ZNF552: variants seen among roughly 807,000 people sequenced by gnomAD.
ZNF552 encodes zinc finger protein 552.
ZNF552 carries 2 observed loss-of-function variants against 7.2 expected under a neutral mutation model. That is an observed-to-expected ratio of 0.28 (90% CI 0.11 to 0.88). The LOEUF is 0.88. Among genes scored for constraint, ZNF552 ranks in the 40% least tolerant of loss-of-function variants. The pLI, the probability that ZNF552 is intolerant of heterozygous loss-of-function variation, is 0.60. For missense variants in ZNF552, 421 were observed against 493.4 expected (o/e 0.85, Z 1.39); for synonymous variants, 173 against 176.5 (o/e 0.98, Z 0.16).
At position 57,814,662 on chromosome 19, in the gene ZNF552, C is replaced by T. The variant is rs1273613397; in HGVS notation, c.33+49G>A. ...GTGCCGCTCCCTCGCTGCTTTAGGA[C>T]TTGTGTGACTAGGAGGTGACCGGAG... is the stretch of plus-strand genomic sequence containing the variant. On this transcript the variant is annotated intron_variant, in intron 1 of 2. Coordinates refer to ENST00000391701, the MANE Select transcript of ZNF552 (RefSeq NM_024762.3). 3 of 1,614,024 alleles carry T rather than the reference C, an allele frequency of 1.9e-6. No homozygotes were observed. In the South Asian group the frequency reaches 3.3e-5, roughly 18 times the overall value.
chr19:57,814,534 T>C, intron 1 of ZNF552, 177 bp downstream of exon 1: 1 of 1,539,408 alleles, frequency 6.5e-7, no homozygotes, highest in African/African-American at 1.4e-5. Flanking sequence ...TCCCTGTACC[T>C]GTCGCTCTCC....
chr19:57,808,286 G>A lies in ZNF552; in HGVS notation c.978C>T (p.Cys326=). Residue 326 remains cysteine (C), a synonymous_variant, in exon 3 of 3, where the codon TGC becomes TGT. Coordinates refer to ENST00000391701, the MANE Select transcript of ZNF552 (RefSeq NM_024762.3). ...GGGTAAATGACTTCCCACAATCACT[G>A]CATTCATATGGCCTTTCTCCAGTGT... is the stretch of plus-strand genomic sequence containing the variant. ...RVHTGERPYE[C]SDCGKSFTHS... The A allele has an allele frequency of 6.2e-7, 1 of 1,614,098 alleles. No homozygotes were observed. The highest frequency in any genetic ancestry group is 8.5e-7 in the Non-Finnish European group (1 of 1,180,016).
At chr19:57,811,849 T>C (rs2122146462) in intron 2 of ZNF552, among the ~76,000 whole-genome samples, 1 of 148,270 alleles carries the variant, frequency 6.7e-6, no homozygotes, top group South Asian at 2.1e-4. Context: ...GCCAATATGG[T>C]GAAACCCCAT....
At chr19:57,813,684 A>G (rs939971547) in intron 1 of ZNF552, among the ~76,000 whole-genome samples, 2 of 149,572 alleles carry the variant, frequency 1.3e-5, no homozygotes, top group Admixed American at 6.7e-5. Flanking sequence ...GGAAAGCCCA[A>G]TGTGGCACCT....
At chr19:57,813,759 T>C (rs1184395356) in intron 1 of ZNF552, among the ~76,000 whole-genome samples, 2 of 127,956 alleles carry the variant, frequency 1.6e-5, no homozygotes, top group African/African-American at 5.9e-5. Flanking sequence ...TTTTTTTTTT[T>C]TTTGATACGG....
intron 2 of ZNF552, among the ~76,000 whole-genome samples, chr19:57,811,715 CAA>C (rs1162967437): frequency 4.0e-5 from 2 of 49,704 alleles, no homozygotes; most frequent in Non-Finnish European, 6.7e-5. Flanking sequence ...AACTCCATCT[CAA>C]AAAAAAAAAA....
rs1361726211 is a variant in ZNF552 at position 57,814,880 on chromosome 19, G to A, written c.-137C>T. ...CCACGGTCCCAACACAGCGCTCCAAGGACTCCCTAACGCCAATGGAAATGG... is the reference window on the plus strand; with the variant it reads ...CCACGGTCCCAACACAGCGCTCCAAAGACTCCCTAACGCCAATGGAAATGG... On this transcript the variant is annotated 5_prime_UTR_variant, in exon 1 of 3. Coordinates refer to ENST00000391701, the MANE Select transcript of ZNF552 (RefSeq NM_024762.3). The A allele has an allele frequency of 4.4e-6, 4 of 898,926 alleles. No homozygotes were observed. Among genetic ancestry groups the A allele is most frequent in the Admixed American group, 2.9e-5 (1 of 34,838 alleles). The allele number at this position is 898,926 out of a possible 1,614,324, so 55.7% of individuals were successfully genotyped here.
intron 1 of ZNF552, among the ~76,000 whole-genome samples, chr19:57,813,974 C>CCT (rs201324449): frequency 0.28 from 42,194 of 151,692 alleles, 6,257 homozygotes; most frequent in African/African-American, 0.37. Flanking sequence ...TACCTCCGGA[C>CCT]CAACCCGCCT....
At chr19:57,812,891 G>A (rs1239552034) in intron 2 of ZNF552, among the ~76,000 whole-genome samples, 2 of 152,090 alleles carry the variant, frequency 1.3e-5, no homozygotes, top group South Asian at 2.1e-4. Flanking sequence ...TTCTAAGGAC[G>A]GTATTACAAG....
chr19:57,812,271 C>T (rs935741559), intron 2 of ZNF552, among the ~76,000 whole-genome samples: 1 of 152,026 alleles, frequency 6.6e-6, no homozygotes, highest in African/African-American at 2.4e-5. Flanking sequence ...TGTGTGCTTA[C>T]TTGTCTGGCC....
In ZNF552 at chr19:57,807,964, T is replaced by G. The variant is rs576385121; in HGVS notation, c.*76A>C. ...AGAGCAGACCTTTGGGTAAACATTT[T>G]CCACATTTGCTGCAATCACAGGATC... On this transcript the variant is annotated 3_prime_UTR_variant, in exon 3 of 3. Coordinates refer to ENST00000391701, the MANE Select transcript of ZNF552 (RefSeq NM_024762.3). The G allele has an allele frequency of 2.7e-6, 4 of 1,488,246 alleles. No individual in the cohort carries two copies. The highest frequency in any genetic ancestry group is 2.7e-5 in the South Asian group (2 of 73,584). The allele number at this position is 1,488,246 out of a possible 1,614,324, so 92.2% of individuals were successfully genotyped here.
intron 1 of ZNF552, 26 bp from the exon 2 acceptor site, chr19:57,813,446 C>A: frequency 1.2e-6 from 2 of 1,609,232 alleles, no homozygotes; most frequent in Non-Finnish European, 1.7e-6. Context: ...CAGATGAAAC[C>A]ACAAACCACC....
chr19:57,814,412 C>T (rs1461431710), intron 1 of ZNF552: 1 of 1,078,340 alleles, frequency 9.3e-7, no homozygotes, highest in Non-Finnish European at 1.4e-6. Context: ...CCCCCAGCCT[C>T]CTTGCTTTTC....
At chr19:57,812,177 G>A (rs1034448033) in intron 2 of ZNF552, among the ~76,000 whole-genome samples, 23 of 151,960 alleles carry the variant, frequency 1.5e-4, no homozygotes, top group African/African-American at 5.1e-4. Flanking sequence ...CTCCAGCCTG[G>A]GCAACAGAAC....
At chr19:57,814,175 G>A (rs1401062265) in intron 1 of ZNF552, among the ~76,000 whole-genome samples, 1 of 152,118 alleles carries the variant, frequency 6.6e-6, no homozygotes, top group Non-Finnish European at 1.5e-5. Flanking sequence ...TGTCCACGGA[G>A]CCAGGTGACC....
At position 57,808,926 on chromosome 19, in the gene ZNF552, T is replaced by C; in HGVS notation, c.338A>G (p.His113Arg). The change falls in exon 3 of 3, where the codon CAT (histidine) becomes CGT (arginine). Residue 113 changes from histidine (H) to arginine (R), a missense_variant. Transcript: ENST00000391701. Reference protein sequence around the residue: ...ILHVADHQGTHHKQKLHRCEA... With the variant: ...ILHVADHQGTRHKQKLHRCEA... ...ACACCTGTGCAGTTTCTGCTTGTGATGTGTTCCCTGATGATCTGCCACATG... is the reference window on the plus strand; with the variant it reads ...ACACCTGTGCAGTTTCTGCTTGTGACGTGTTCCCTGATGATCTGCCACATG... The C allele has an allele frequency of 6.2e-7, 1 of 1,610,262 alleles. No individual in the cohort carries two copies. The highest frequency in any genetic ancestry group is 8.5e-7 in the Non-Finnish European group (1 of 1,177,722).
Position 57,808,515 on chromosome 19 carries a change from C to T in ZNF552, c.749G>A (p.Ser250Asn). ...ATGATTACTGAAGCTGTCATATTTG[C>T]TAGAGGATTTCCCACATTCACACCA... is the stretch of plus-strand genomic sequence containing the variant. Reference protein sequence around the residue: ...SVWCECGKSSSKYDSFSNHQG... With the variant: ...SVWCECGKSSNKYDSFSNHQG... Residue 250 changes from serine (S) to asparagine (N), a missense_variant, in exon 3 of 3, where the codon AGC becomes AAC. Physicochemically the swap from Ser to Asn is conservative, Grantham distance 46 (BLOSUM62 1). Coordinates refer to ENST00000391701, the MANE Select transcript of ZNF552 (RefSeq NM_024762.3). 2 of 1,613,860 alleles carry T rather than the reference C, an allele frequency of 1.2e-6. No individual in the cohort carries two copies. Among genetic ancestry groups the T allele is most frequent in the Non-Finnish European group, 1.7e-6 (2 of 1,179,806 alleles).
intron 2 of ZNF552, among the ~76,000 whole-genome samples, chr19:57,812,143 G>A (rs553597732): frequency 1.2e-4 from 19 of 152,016 alleles, no homozygotes; most frequent in East Asian, 9.7e-4. Context: ...AGAGGTTGCA[G>A]TGAGCAGAGA....
chr19:57,809,253 T>G, intron 2 of ZNF552, 150 bp from the exon 3 acceptor site: 1 of 1,530,466 alleles, frequency 6.5e-7, no homozygotes. Flanking sequence ...TGGTGCTATG[T>G]ATTATTACTG....
Sources: allele counts gnomAD v4.1 joint callset (sites outside exome capture counted in the v4.1 genomes callset), GRCh38; gene constraint gnomAD v4.1.1; transcripts MANE v1.5; gene names NCBI Gene and HGNC (gene_info 2026-07-23, HGNC 2026-07-21).